The following BTK variants were observed in gnomAD, a reference collection of about 807,000 sequenced individuals.
The protein encoded by BTK is Bruton tyrosine kinase.
A neutral mutation model predicts 57.4 loss-of-function variants in BTK; 5 were observed. That is an observed-to-expected ratio of 0.09 (90% CI 0.05 to 0.18). The LOEUF (loss-of-function observed/expected upper bound fraction) is 0.18. BTK is among the 10% of genes least tolerant of loss of function. BTK has a pLI of 1.00. For missense variants in BTK, 194 were observed against 501.2 expected, an observed-to-expected ratio of 0.39 and a Z score of 5.85; for synonymous variants, 154 against 174.3, an observed-to-expected ratio of 0.88 and a Z score of 0.92.
chrX:101,390,443 A>C, upstream of BTK: 1 of 513,535 alleles, frequency 1.9e-6, no homozygotes, highest in Non-Finnish European at 3.5e-6. Context: ...CTTAGTTCAT[A>C]ATTGCACATT....
At position 101,359,894 on chromosome X, in the gene BTK, C is replaced by G. The variant is rs143542741; in HGVS notation, c.839+194G>C. Among the ~76,000 whole-genome samples the G allele has an allele frequency of 0.056, 5,834 of 104,209 alleles. 420 individuals carry two copies. Among genetic ancestry groups the G allele is most frequent in the African/African-American group, 0.19 (5,503 of 28,558 alleles). 90.5% of individuals were successfully genotyped at this position (104,209 alleles called of 115,157 possible). ...AGAAAAAAGTGTATATATATATATA[C>G]ACACTTGTGTATGTATACATAATAT... On this transcript the variant is annotated intron_variant, in intron 9 of 18. Transcript: ENST00000308731.
In BTK at chrX:101,351,168, G is replaced by A. The variant is rs150756846; in HGVS notation, c.1909-1212C>T. Among the ~76,000 whole-genome samples, 321 of 111,391 alleles carry A rather than the reference G, an allele frequency of 2.9e-3. 1 individual carries two copies. Among genetic ancestry groups the A allele is most frequent in the Middle Eastern group, 4.6e-3 (1 of 218 alleles). ...ACATCACCACGCCTGGTTAATTTTT[G>A]TATTTTTAGTAGAGACAGGGTTTCA... On this transcript the variant is annotated intron_variant, in intron 18 of 18. Transcript: ENST00000308731.
chrX:101,377,632 A>G (rs1555981221), intron 1 of BTK, among the ~76,000 whole-genome samples: 1 of 111,251 alleles, frequency 9.0e-6, no homozygotes, highest in East Asian at 2.8e-4. Flanking sequence ...TCCTTCTGGA[A>G]GCTGCCTCTA....
At chrX:101,370,775 A>G (rs1603016945) in intron 4 of BTK, among the ~76,000 whole-genome samples, 1 of 112,556 alleles carries the variant, frequency 8.9e-6, no homozygotes, top group East Asian at 2.8e-4. Flanking sequence ...GACATCACAT[A>G]ATAAATTCTG....
intron 3 of BTK, among the ~76,000 whole-genome samples, chrX:101,373,791 T>C (rs58911756): frequency 0.22 from 24,265 of 111,086 alleles, 2,392 homozygotes; most frequent in South Asian, 0.4. Flanking sequence ...CCTGTAATCT[T>C]TGCACTTTGG....
At chrX:101,379,868 A>G (rs1927355265) in intron 1 of BTK, among the ~76,000 whole-genome samples, 1 of 111,949 alleles carries the variant, frequency 8.9e-6, no homozygotes, top group Non-Finnish European at 1.9e-5. Flanking sequence ...ACTGTCAACT[A>G]TACTTTTTTT....
intron 1 of BTK, among the ~76,000 whole-genome samples, chrX:101,381,320 C>G (rs1555981716): frequency 9.0e-6 from 1 of 111,611 alleles, no homozygotes; most frequent in East Asian, 2.8e-4. Flanking sequence ...ACTGGCAAAC[C>G]TAGGTCCAGC....
chrX:101,362,431 C>G (rs1488364275), intron 6 of BTK, 130 bp downstream of exon 6: 2 of 1,073,010 alleles, frequency 1.9e-6, no homozygotes, highest in African/African-American at 3.7e-5. Flanking sequence ...TGCCTCCTCC[C>G]TCCCCCAGGA....
At chrX:101,350,396 G>A (rs1926237804) in intron 18 of BTK, among the ~76,000 whole-genome samples, 1 of 100,497 alleles carries the variant, frequency 1.0e-5, no homozygotes, top group Non-Finnish European at 2.0e-5. Context: ...CTGAGTACCT[G>A]GGACCTTTTT....
At chrX:101,365,487 A>G (rs1175895867) in intron 5 of BTK, among the ~76,000 whole-genome samples, 2 of 112,036 alleles carry the variant, frequency 1.8e-5, no homozygotes, top group African/African-American at 3.2e-5. Flanking sequence ...TGGTATTTCC[A>G]GCTACTTAGG....
intron 1 of BTK, among the ~76,000 whole-genome samples, chrX:101,382,582 A>G (rs1555981935): frequency 9.0e-6 from 1 of 110,684 alleles, no homozygotes; most frequent in Non-Finnish European, 1.9e-5. Context: ...GTGGTTTTGG[A>G]AACTTCTAGG....
chrX:101,382,206 G>A (rs1927464403), intron 1 of BTK, among the ~76,000 whole-genome samples: 1 of 110,801 alleles, frequency 9.0e-6, no homozygotes, highest in Non-Finnish European at 1.9e-5. Context: ...AAGGCATCAA[G>A]CCAAACTCAA....
rs782347981 is a variant in BTK, at chrX:101,363,396, A to G, written c.392-707T>C. ...AATTAGTATTGGTGTTTATAATACT[A>G]TGGCATATCAAAAACCTTCACATGA... On this transcript the variant is annotated intron_variant, in intron 5 of 18. Transcript: ENST00000308731. Among the ~76,000 whole-genome samples, 11 of 111,979 alleles carry G rather than the reference A, an allele frequency of 9.8e-5. No individual in the cohort carries two copies. The East Asian group carries it at 2.5e-3, about 26-fold the overall frequency.
rs1555977950 is a variant in BTK, at chrX:101,356,973, G to A, written c.1178-18C>T. 2 of 1,208,966 alleles carry A rather than the reference G, an allele frequency of 1.7e-6. No individual in the cohort carries two copies. Among genetic ancestry groups the A allele is most frequent in the East Asian group, 5.9e-5 (2 of 33,846 alleles). On this transcript the variant is annotated intron_variant, in intron 13 of 18. Transcript: ENST00000308731. ...CCATGATCCTAACAATAAAGTCTTGGTGTGATTCTTTGGGGTCATGAATGT... is the reference window on the plus strand; with the variant it reads ...CCATGATCCTAACAATAAAGTCTTGATGTGATTCTTTGGGGTCATGAATGT...
rs781949555 is a variant in BTK at position 101,359,290 on chromosome X, T to C, written c.894+3A>G. 29 of 1,209,604 alleles carry C rather than the reference T, an allele frequency of 2.4e-5. No individual in the cohort carries two copies. The highest frequency in any genetic ancestry group is 3.2e-5 in the Non-Finnish European group (29 of 894,657). On this transcript the variant is annotated splice_donor_region_variant and intron_variant, in intron 10 of 18. Transcript: ENST00000308731. ...TGCTGTGTGCTAGTGGTTCCACACTTACCTCTTGCTTTAGCAGTTGCTCAG... is the reference window on the plus strand; with the variant it reads ...TGCTGTGTGCTAGTGGTTCCACACTCACCTCTTGCTTTAGCAGTTGCTCAG...
chrX:101,357,713 T>G (rs1926533897), intron 12 of BTK, 130 bp from the exon 13 acceptor site: 2 of 569,869 alleles, frequency 3.5e-6, no homozygotes, highest in Non-Finnish European at 3.1e-6. Flanking sequence ...AAGACCTCCA[T>G]GAACCCACAT....
At chrX:101,381,007 G>GAAAA (rs782713123) in intron 1 of BTK, among the ~76,000 whole-genome samples, 4 of 24,725 alleles carry the variant, frequency 1.6e-4, no homozygotes, top group Non-Finnish European at 1.6e-4. Flanking sequence ...ACTCGGTCGC[G>GAAAA]AAAAAAAAAA....
chrX:101,386,932 G>C (rs782440015), upstream of BTK, among the ~76,000 whole-genome samples: 1 of 111,129 alleles, frequency 9.0e-6, no homozygotes, highest in East Asian at 2.8e-4. Context: ...TTTCTCAGGG[G>C]CCCCCTACAT....
chrX:101,355,962 C>A, intron 15 of BTK, 90 bp downstream of exon 15: 1 of 937,874 alleles, frequency 1.1e-6, no homozygotes, highest in Admixed American at 2.2e-5. Context: ...ATGGCACCAG[C>A]AGCCCCCCTC....
Sources: gnomAD v4.1 joint callset for allele counts (sites outside exome capture counted in the v4.1 genomes callset) on GRCh38, gnomAD v4.1.1 for gene constraint, MANE v1.5 for transcripts, NCBI Gene and HGNC (gene_info 2026-07-23, HGNC 2026-07-21) for gene names.